Variants in REV1 observed in about 807,000 individuals in gnomAD.
REV1 encodes REV1 DNA directed polymerase, also known as translesion synthesis protein REV1.
REV1 carries 42 observed loss-of-function variants against 137.4 expected under a neutral mutation model. The observed-to-expected ratio is 0.31, with a 90% CI of 0.24 to 0.40. The LOEUF (loss-of-function observed/expected upper bound fraction) is 0.40, where lower values mean the gene tolerates loss of function less well. Among genes scored for constraint, REV1 ranks in the 10% least tolerant of loss-of-function variants. The pLI is 1.00. For synonymous variants in REV1, 524 were observed against 519.2 expected (o/e 1.01, Z -0.12); for missense variants, 1,282 against 1,490.1 (o/e 0.86, Z 2.30).
chr2:99,403,410 A>G (rs28382969), intron 19 of REV1: 29 of 560,622 alleles, frequency 5.2e-5, no homozygotes, highest in Admixed American at 2.5e-4. Context: ...ATTCATCTCA[A>G]AGGACAACTA....
At chr2:99,419,259 T>A (rs1300273654) in intron 11 of REV1, among the ~76,000 whole-genome samples, 2 of 143,920 alleles carry the variant, frequency 1.4e-5, no homozygotes, top group Non-Finnish European at 3.0e-5. Context: ...TTGCCCAAGC[T>A]GGAGTGTAGT....
intron 3 of REV1, among the ~76,000 whole-genome samples, chr2:99,458,102 G>T (rs1440298166): frequency 6.6e-6 from 1 of 152,144 alleles, no homozygotes; most frequent in Non-Finnish European, 1.5e-5. Context: ...CAACATATCA[G>T]ATCTCATCAA....
chr2:99,413,150 C>A (rs1301442596), intron 12 of REV1, among the ~76,000 whole-genome samples, 199 bp from the exon 13 acceptor site: 1 of 152,182 alleles, frequency 6.6e-6, no homozygotes, highest in African/African-American at 2.4e-5. Context: ...CTAGACTCTA[C>A]TTCTCAATTT....
At chr2:99,474,476 C>T (rs2105262240) in intron 1 of REV1, among the ~76,000 whole-genome samples, 1 of 152,278 alleles carries the variant, frequency 6.6e-6, no homozygotes, top group East Asian at 1.9e-4. Flanking sequence ...TAACACAATT[C>T]AACAAAACAG....
At position 99,406,498 on chromosome 2, in the gene REV1, C is replaced by T. The variant is rs1293903813; in HGVS notation, c.2449-8G>A. The stretch of plus-strand genomic sequence containing the variant: ...ATTCACGTGAATCCCAACCTAGAAC[C>T]CAGAATAAAGAGTATGCTTCTAGGA... On this transcript the variant is annotated splice_polypyrimidine_tract_variant and splice_region_variant and intron_variant, in intron 15 of 22. Transcript: ENST00000258428. The T allele has an allele frequency of 6.3e-7, 1 of 1,585,246 alleles. No individual in the cohort carries two copies. The highest frequency in any genetic ancestry group is 8.6e-7 in the Non-Finnish European group (1 of 1,164,548).
At chr2:99,468,237 A>T (rs1218435161) in intron 1 of REV1, among the ~76,000 whole-genome samples, 2 of 152,096 alleles carry the variant, frequency 1.3e-5, no homozygotes, top group Non-Finnish European at 2.9e-5. Flanking sequence ...TGTTTCTGCT[A>T]ATCAGCAGGG....
chr2:99,470,936 G>A (rs1222699760), intron 1 of REV1, among the ~76,000 whole-genome samples: 1 of 152,180 alleles, frequency 6.6e-6, no homozygotes, highest in Non-Finnish European at 1.5e-5. Context: ...TACAGCACCA[G>A]GGAACAAGCA....
In REV1 at chr2:99,401,119, C is replaced by T; in HGVS notation, c.*122G>A. 3.7e-6 allele frequency: 2 copies of T among 539,892 alleles called. No individual in the cohort carries two copies. The highest frequency in any genetic ancestry group is 6.9e-5 in the South Asian group (2 of 29,154). The allele number at this position is 539,892 out of a possible 1,614,324, so 33.4% of individuals were successfully genotyped here. Reference sequence around the variant, plus strand: ...ACTTTTTGAAAAGAAATGTACAAAACACTTGCTTTAAAAGAAATTTAAAAT... The same window carrying T: ...ACTTTTTGAAAAGAAATGTACAAAATACTTGCTTTAAAAGAAATTTAAAAT... On this transcript the variant is annotated 3_prime_UTR_variant, in exon 23 of 23. Transcript: ENST00000258428.
At position 99,424,293 on chromosome 2, in the gene REV1, C is replaced by A; in HGVS notation, c.1548-13G>T. The A allele has an allele frequency of 1.2e-6, 2 of 1,610,996 alleles. No individual in the cohort carries two copies. The stretch of plus-strand genomic sequence containing the variant: ...AATGCCAAGTTGCCTAGAGCGAGAA[C>A]AAAACACAATGGAGGTTATTCTAGG... On this transcript the variant is annotated splice_polypyrimidine_tract_variant and intron_variant, in intron 9 of 22. Transcript: ENST00000258428.
intron 19 of REV1, chr2:99,403,336 G>C: frequency 1.7e-6 from 1 of 579,342 alleles, no homozygotes; most frequent in Non-Finnish European, 3.0e-6. Context: ...GCTCATCTAT[G>C]ATGGGTAGTA....
At chr2:99,447,707 C>G (rs1051593069) in intron 4 of REV1, among the ~76,000 whole-genome samples, 9 of 151,786 alleles carry the variant, frequency 5.9e-5, no homozygotes, top group African/African-American at 1.7e-4. Context: ...TCCTGAGTGA[C>G]TGCATAAAGT....
intron 1 of REV1, among the ~76,000 whole-genome samples, chr2:99,485,959 T>A (rs986317383): frequency 1.3e-5 from 2 of 151,980 alleles, no homozygotes; most frequent in African/African-American, 4.8e-5. Context: ...ACCCCATCTT[T>A]ACAAAACATT....
chr2:99,402,547 A>T, intron 21 of REV1, 97 bp downstream of exon 21: 1 of 1,229,222 alleles, frequency 8.1e-7, no homozygotes, highest in South Asian at 1.4e-5. Context: ...AGAGTTAGAG[A>T]AATGGGTTAA....
intron 22 of REV1, among the ~76,000 whole-genome samples, chr2:99,401,841 G>A (rs28382977): frequency 0.26 from 39,981 of 152,072 alleles, 5,387 homozygotes; most frequent in Admixed American, 0.34. Flanking sequence ...GTGCAATCAT[G>A]GTTCACCGCA....
At chr2:99,437,195 T>C (rs1027956611) in intron 6 of REV1, among the ~76,000 whole-genome samples, 2 of 151,588 alleles carry the variant, frequency 1.3e-5, no homozygotes, top group African/African-American at 4.8e-5. Flanking sequence ...GTTGCCCAGG[T>C]TGGTCTTGCA....
At position 99,421,544 on chromosome 2, in the gene REV1, T is replaced by C. The variant is rs367923205; in HGVS notation, c.1786A>G (p.Met596Val). 2.5e-6 allele frequency: 4 copies of C among 1,614,104 alleles called. No homozygotes were observed. Among genetic ancestry groups the C allele is most frequent in the South Asian group, 1.1e-5 (1 of 91,076 alleles). ...TPDEFANAVR[M>V]EIKDQTKCAA... ...CATTTCGTCTGGTCTTTGATTTCCA[T>C]ACGAACAGCATTTGCAAATTCATCA... is the stretch of plus-strand genomic sequence containing the variant. Residue 596 changes from methionine (M) to valine (V), a missense_variant, in exon 11 of 23, where the codon ATG becomes GTG. Physicochemically the swap from Met to Val is conservative, Grantham distance 21. Transcript: ENST00000258428.
At position 99,417,077 on chromosome 2, in the gene REV1, G is replaced by C. The variant is rs1677994212; in HGVS notation, c.1951+1751C>G. On this transcript the variant is annotated intron_variant, in intron 12 of 22. Coordinates refer to ENST00000258428, the MANE Select transcript of REV1 (RefSeq NM_016316.4). ...TAAAGATGGTGTTTTGGACTAAACT[G>C]TGTCTTCCCCAAATTTATATGCTGA... Among the ~76,000 whole-genome samples, 5 of 152,114 alleles carry C rather than the reference G, an allele frequency of 3.3e-5. No homozygotes were observed. In the South Asian group the frequency reaches 1.0e-3, roughly 32 times the overall value.
chr2:99,438,593 G>A lies in REV1; in HGVS notation c.1213+8C>T. On this transcript the variant is annotated splice_region_variant and intron_variant, in intron 6 of 22. Coordinates refer to ENST00000258428, the MANE Select transcript of REV1 (RefSeq NM_016316.4). Reference sequence around the variant, plus strand: ...TTTCTTAAGAAGACAATTTTAATAAGTATCTACCTGTGTCAGTTACAACAA... The same window carrying A: ...TTTCTTAAGAAGACAATTTTAATAAATATCTACCTGTGTCAGTTACAACAA... The A allele has an allele frequency of 6.3e-7, 1 of 1,594,694 alleles. No homozygotes were observed. Among genetic ancestry groups the A allele is most frequent in the Non-Finnish European group, 8.6e-7 (1 of 1,164,468 alleles).
At chr2:99,407,550 CAAA>C (rs960279383) in intron 15 of REV1, among the ~76,000 whole-genome samples, 1 of 139,836 alleles carries the variant, frequency 7.2e-6, no homozygotes, top group African/African-American at 2.6e-5. Flanking sequence ...AAAACTGTCT[CAAA>C]AAAAAAAAAC....
Sources: allele counts gnomAD v4.1 joint callset (sites outside exome capture counted in the v4.1 genomes callset), GRCh38; gene constraint gnomAD v4.1.1; transcripts MANE v1.5; gene names NCBI Gene and HGNC (gene_info 2026-07-23, HGNC 2026-07-21).